The following AAMDC variants were observed in gnomAD, a reference collection of about 807,000 sequenced individuals.
AAMDC encodes the protein mth938 domain-containing protein.
Under a neutral mutation model 15.5 loss-of-function variants are expected in AAMDC, and 16 were observed. The ratio of observed to expected loss-of-function variants is 1.03; its 90% CI spans 0.70 to 1.57. AAMDC has a LOEUF of 1.57. AAMDC is among the 40% of genes most tolerant of loss of function. The probability of loss-of-function intolerance (pLI) is 0.00; values close to 1 mark genes in which losing one functional copy is unlikely to be tolerated. For missense variants in AAMDC, 141 were observed against 144.9 expected (o/e 0.97, Z 0.14); for synonymous variants, 51 against 51.6 (o/e 0.99, Z 0.05).
downstream of AAMDC, chr11:77,901,325 A>G: frequency 7.6e-7 from 1 of 1,307,342 alleles, no homozygotes; most frequent in East Asian, 2.3e-5. Context: ...CCTAAATTTC[A>G]TTTCACTTAT....
chr11:77,827,465 A>G (rs1949232049), intron 1 of AAMDC, among the ~76,000 whole-genome samples: 1 of 152,244 alleles, frequency 6.6e-6, no homozygotes, highest in Non-Finnish European at 1.5e-5. Context: ...CATCCCAACT[A>G]TGCAATATTG....
At chr11:77,853,025 T>C (rs2136203021) in intron 2 of AAMDC, among the ~76,000 whole-genome samples, 1 of 152,322 alleles carries the variant, frequency 6.6e-6, no homozygotes, top group South Asian at 2.1e-4. Context: ...TTTTTTGTAT[T>C]GTTGAAAGTG....
At chr11:77,892,872 C>T (rs571857689) in intron 5 of AAMDC, among the ~76,000 whole-genome samples, 2 of 152,274 alleles carry the variant, frequency 1.3e-5, no homozygotes, top group East Asian at 1.9e-4. Flanking sequence ...CGTGAGCCAC[C>T]GTGCCCAGCC....
chr11:77,835,429 CTT>C (rs969887304), intron 1 of AAMDC, among the ~76,000 whole-genome samples: 3 of 151,812 alleles, frequency 2.0e-5, no homozygotes, highest in African/African-American at 7.3e-5. Context: ...AGACTTTAAA[CTT>C]TGTCTTATTT....
At chr11:77,841,390 TA>T (rs1949925063) in intron 1 of AAMDC, 1 of 593,154 alleles carries the variant, frequency 1.7e-6, no homozygotes, top group African/African-American at 1.9e-5. Flanking sequence ...ATTTTATTCT[TA>T]AACCCAGTTT....
At chr11:77,849,335 C>T (rs1266616590) in intron 2 of AAMDC, among the ~76,000 whole-genome samples, 1 of 152,154 alleles carries the variant, frequency 6.6e-6, no homozygotes, top group African/African-American at 2.4e-5. Context: ...GATTCTCTTG[C>T]CTCAGCCTCC....
downstream of AAMDC, among the ~76,000 whole-genome samples, chr11:77,875,638 T>A (rs145201890): frequency 1.4e-3 from 217 of 152,356 alleles, 1 homozygote; most frequent in African/African-American, 3.6e-3. Flanking sequence ...TTAAGGGGTT[T>A]GCATTTGTGA....
chr11:77,826,047 T>C (rs1189776350), intron 1 of AAMDC, among the ~76,000 whole-genome samples: 1 of 152,114 alleles, frequency 6.6e-6, no homozygotes, highest in Non-Finnish European at 1.5e-5. Flanking sequence ...CTGGCTAAGA[T>C]TGGTTTCTCC....
intron 5 of AAMDC, among the ~76,000 whole-genome samples, chr11:77,888,274 T>C (rs983949948): frequency 6.6e-6 from 1 of 152,104 alleles, no homozygotes; most frequent in African/African-American, 2.4e-5. Context: ...ATGCCACATA[T>C]CTACAACCAT....
At chr11:77,862,161 G>A (rs675925) in intron 2 of AAMDC, among the ~76,000 whole-genome samples, 80,364 of 151,918 alleles carry the variant, frequency 0.53, 21,602 homozygotes, top group African/African-American at 0.56. Context: ...CTGTGTCCCA[G>A]TGAGGGTCTA....
intron 1 of AAMDC, among the ~76,000 whole-genome samples, chr11:77,838,717 C>T (rs541117273): frequency 8.5e-4 from 128 of 150,330 alleles, no homozygotes; most frequent in African/African-American, 2.8e-3. Context: ...CCCGGGTTCA[C>T]GCCATTCTCC....
chr11:77,879,958 G>T (rs185784542), intron 5 of AAMDC, among the ~76,000 whole-genome samples: 1 of 152,148 alleles, frequency 6.6e-6, no homozygotes, highest in East Asian at 1.9e-4. Flanking sequence ...GAATCAGATA[G>T]GTTCTCAGAG....
intron 1 of AAMDC, among the ~76,000 whole-genome samples, chr11:77,833,390 G>C (rs1160301722): frequency 1.3e-5 from 2 of 152,102 alleles, no homozygotes; most frequent in Non-Finnish European, 2.9e-5. Flanking sequence ...ATTTTCATAA[G>C]GGACTGTGCA....
At chr11:77,857,277 A>G (rs1233496005) in intron 2 of AAMDC, among the ~76,000 whole-genome samples, 1 of 152,216 alleles carries the variant, frequency 6.6e-6, no homozygotes, top group Admixed American at 6.5e-5. Flanking sequence ...TATTCATCAC[A>G]GAAAGTGGGA....
intron 2 of AAMDC, among the ~76,000 whole-genome samples, chr11:77,848,935 T>C (rs1191992830): frequency 6.6e-6 from 1 of 152,010 alleles, no homozygotes; most frequent in Non-Finnish European, 1.5e-5. Flanking sequence ...GAAGTAGAAG[T>C]ATGTGCCACA....
At chr11:77,850,761 AAC>A (rs905525152) in intron 2 of AAMDC, 16 of 137,714 alleles carry the variant, frequency 1.2e-4, no homozygotes, top group Admixed American at 6.7e-4. Flanking sequence ...TCTCACTCTA[AAC>A]ACACACACAC....
At chr11:77,858,877 G>A (rs1950754786) in intron 2 of AAMDC, among the ~76,000 whole-genome samples, 1 of 152,182 alleles carries the variant, frequency 6.6e-6, no homozygotes, top group Non-Finnish European at 1.5e-5. Context: ...CTTCGATTCT[G>A]GAAGAGATAA....
chr11:77,847,918 G>T (rs1434952286), intron 2 of AAMDC, among the ~76,000 whole-genome samples: 1 of 152,110 alleles, frequency 6.6e-6, no homozygotes, highest in Non-Finnish European at 1.5e-5. Context: ...AAGAGCAGAA[G>T]AAATTGAGAT....
chr11:77,902,382 C>T (rs896807941), downstream of AAMDC, among the ~76,000 whole-genome samples: 4 of 152,164 alleles, frequency 2.6e-5, no homozygotes, highest in Non-Finnish European at 5.9e-5. Flanking sequence ...TCCAATGTGG[C>T]TCAATTATCG....
Sources: allele counts gnomAD v4.1 joint callset (sites outside exome capture counted in the v4.1 genomes callset), GRCh38; gene constraint gnomAD v4.1.1; transcripts MANE v1.5; gene names NCBI Gene and HGNC (gene_info 2026-07-23, HGNC 2026-07-21).